The following NLRP8 variants were observed in gnomAD, a reference collection of about 807,000 sequenced individuals.
NLRP8 encodes NACHT, LRR and PYD domains-containing protein 8.
NLRP8 carries 86 observed loss-of-function variants against 88.7 expected under a neutral mutation model. That is an observed-to-expected ratio of 0.97 (90% CI 0.81 to 1.16). The LOEUF (loss-of-function observed/expected upper bound fraction) is 1.16, where lower values mean the gene tolerates loss of function less well. Ranked by LOEUF, NLRP8 falls within the 50% of genes most tolerant of loss-of-function variation. NLRP8 has a pLI of 0.00. For synonymous variants in NLRP8, 504 were observed against 494.6 expected (o/e 1.02, Z -0.25); for missense variants, 1,342 against 1,286.5 (o/e 1.04, Z -0.66).
At chr19:55,977,184 A>ATATATACG (rs1209121537) in intron 8 of NLRP8, among the ~76,000 whole-genome samples, 2 of 131,970 alleles carry the variant, frequency 1.5e-5, no homozygotes, top group Non-Finnish European at 3.1e-5. Context: ...ACATATATAC[A>ATATATACG]TATATACGTA....
rs1304057041 is a variant in NLRP8, at chr19:55,987,942, G to C, written c.*29G>C. The C allele has an allele frequency of 2.0e-6, 3 of 1,531,130 alleles. No homozygotes were observed. The highest frequency in any genetic ancestry group is 3.3e-5 in the Admixed American group (2 of 59,866). The allele number at this position is 1,531,130 out of a possible 1,614,324, so 94.8% of individuals were successfully genotyped here. A position where few individuals can be genotyped will look rare whatever the true frequency, so the allele number is the denominator to read the frequency against. On this transcript the variant is annotated 3_prime_UTR_variant, in exon 10 of 10. Coordinates refer to ENST00000291971, the MANE Select transcript of NLRP8 (RefSeq NM_176811.2). ...GTCCAGTCATCTTTCTCTGGGGCTT[G>C]ATTGATCAGTTCCCACTCTGACAAC...
chr19:55,948,418 C>T (rs923468585), intron 1 of NLRP8, 149 bp downstream of exon 1: 1 of 810,320 alleles, frequency 1.2e-6, no homozygotes, highest in Non-Finnish European at 1.9e-6. Flanking sequence ...AAGGCAAAGA[C>T]TGTCATACGG....
At chr19:55,976,849 G>T (rs562079481) in intron 8 of NLRP8, among the ~76,000 whole-genome samples, 1 of 144,476 alleles carries the variant, frequency 6.9e-6, no homozygotes, top group Non-Finnish European at 1.5e-5. Context: ...GGAGGCTGAG[G>T]TGGGGCGGAT....
chr19:55,976,953 G>A lies in NLRP8; in HGVS notation c.2876+650G>A, dbSNP rs567616587. 7.2e-4 allele frequency among the ~76,000 whole-genome samples: 108 copies of A among 149,406 alleles called. 1 individual carries two copies. The East Asian group carries it at 0.017, about 23-fold the overall frequency. ...AAATTAGCTGGGCGTGGTGGTGGGC[G>A]CCTCTAGTCCCAGCTAATCGGGAGG... On this transcript the variant is annotated intron_variant, in intron 8 of 9. Transcript: ENST00000291971.
chr19:55,980,321 A>G (rs1288902921), intron 9 of NLRP8, among the ~76,000 whole-genome samples: 1 of 152,212 alleles, frequency 6.6e-6, no homozygotes, highest in Admixed American at 6.5e-5. Context: ...GTTCTCAACC[A>G]GTGGTGGGTT....
At chr19:55,958,849 C>T (rs1310052492) in intron 3 of NLRP8, among the ~76,000 whole-genome samples, 1 of 151,866 alleles carries the variant, frequency 6.6e-6, no homozygotes, top group East Asian at 1.9e-4. Flanking sequence ...CCGCGTCCAG[C>T]CAGGGCCTAT....
At position 55,978,626 on chromosome 19, in the gene NLRP8, C is replaced by T. The variant is rs376683744; in HGVS notation, c.2877-768C>T. On this transcript the variant is annotated intron_variant, in intron 8 of 9. Transcript: ENST00000291971. ...AATCTAATAATCCATGAATTTTACT[C>T]TTTGTTCAAGGACTCTTATGGGCCG... Among the ~76,000 whole-genome samples the T allele has an allele frequency of 1.1e-4, 16 of 152,246 alleles. 2 individuals carry two copies. In the East Asian group the frequency reaches 2.5e-3, roughly 24 times the overall value.
In NLRP8 at chr19:55,955,076, C is replaced by G. The variant is rs769586034; in HGVS notation, c.1018C>G (p.Gln340Glu). The G allele has an allele frequency of 1.2e-6, 2 of 1,614,096 alleles. No individual in the cohort carries two copies. The highest frequency in any genetic ancestry group is 1.7e-6 in the Non-Finnish European group (2 of 1,179,972). ...GATCATGATAAGATTTACCTCTTGG[C>G]AGACATGCAAGCCCTTGCTGAAATG... The change falls in exon 3 of 10, where the codon CAG becomes GAG. Residue 340 changes from glutamine (Q) to glutamate (E), a missense_variant. Gln to Glu is a conservative substitution (Grantham distance 29, BLOSUM62 2). Coordinates refer to ENST00000291971, the MANE Select transcript of NLRP8 (RefSeq NM_176811.2).
chr19:55,979,394 G>T lies in NLRP8; in HGVS notation c.2877G>T (p.Glu959Asp), dbSNP rs769092809. Residue 959 changes from glutamate to aspartate, a missense_variant and splice_region_variant, in exon 9 of 10, where the codon GAG becomes GAT. Physicochemically the swap from Glu to Asp is conservative, Grantham distance 45. Transcript: ENST00000291971. ...TCTGCTGTCTGTTTCTGTGTCACAG[G>T]CTGGAAAACTGCCTGTTCACCTCCA... The T allele has an allele frequency of 1.2e-6, 2 of 1,613,416 alleles. No individual in the cohort carries two copies. Among genetic ancestry groups the T allele is most frequent in the South Asian group, 1.1e-5 (1 of 91,038 alleles).
chr19:55,964,354 G>A (rs1219245244), intron 4 of NLRP8, among the ~76,000 whole-genome samples: 2 of 152,208 alleles, frequency 1.3e-5, no homozygotes, highest in African/African-American at 2.4e-5. Context: ...GAGAGGTTAC[G>A]TGATTTGTGA....
intron 8 of NLRP8, among the ~76,000 whole-genome samples, chr19:55,978,935 T>C (rs1980461008): frequency 6.6e-6 from 1 of 152,052 alleles, no homozygotes; most frequent in Non-Finnish European, 1.5e-5. Context: ...AAAAAAAATT[T>C]TTTTTTAAAA....
intron 9 of NLRP8, among the ~76,000 whole-genome samples, chr19:55,987,545 C>T (rs1980906228): frequency 1.3e-5 from 2 of 152,108 alleles, no homozygotes; most frequent in Admixed American, 6.6e-5. Flanking sequence ...TGTTGTTTGT[C>T]CTGTTTACCA....
chr19:55,987,374 A>T (rs1980898266), intron 9 of NLRP8, among the ~76,000 whole-genome samples: 1 of 152,240 alleles, frequency 6.6e-6, no homozygotes, highest in East Asian at 1.9e-4. Context: ...CGTCTCAAGT[A>T]AAAATTAAGT....
At chr19:55,981,743 C>A (rs1408056859) in intron 9 of NLRP8, among the ~76,000 whole-genome samples, 1 of 152,138 alleles carries the variant, frequency 6.6e-6, no homozygotes, top group Non-Finnish European at 1.5e-5. Context: ...TAACTCTTAA[C>A]TTTTTAAGGT....
In NLRP8 at chr19:55,954,675, T is replaced by C; in HGVS notation, c.617T>C (p.Val206Ala). Residue 206 changes from valine (V) to alanine (A), a missense_variant, in exon 3 of 10, where the codon GTG (valine) becomes GCG (alanine). By Grantham distance (64) the Val-to-Ala change is moderately conservative. Transcript: ENST00000291971. ...CCCCAGGGTAGACAGCCCAAGACCG[T>C]GGCCATACAGGGAGCTCCTGGGATC... is the stretch of plus-strand genomic sequence containing the variant. 1.2e-6 allele frequency: 2 copies of C among 1,614,172 alleles called. No homozygotes were observed. The highest frequency in any genetic ancestry group is 1.7e-6 in the Non-Finnish European group (2 of 1,180,028).
rs114072528 is a variant in NLRP8 at position 55,974,239 on chromosome 19, G to A, written c.2705+417G>A. The stretch of plus-strand genomic sequence containing the variant: ...ACAGACCTGAGAGGGGCTTCTGGCC[G>A]AGTTAGGTCAGAGCTACACTCTCTT... On this transcript the variant is annotated intron_variant, in intron 7 of 9. Coordinates refer to ENST00000291971, the MANE Select transcript of NLRP8 (RefSeq NM_176811.2). 7.8e-3 allele frequency among the ~76,000 whole-genome samples: 1,174 copies of A among 151,456 alleles called. 23 individuals carry two copies. Among genetic ancestry groups the A allele is most frequent in the African/African-American group, 0.027 (1,126 of 41,278 alleles).
chr19:55,968,724 G>A (rs1979949132), intron 5 of NLRP8, among the ~76,000 whole-genome samples: 1 of 152,156 alleles, frequency 6.6e-6, no homozygotes, highest in Admixed American at 6.5e-5. Context: ...TGGGCAACAA[G>A]AGCAGGACTC....
At chr19:55,951,433 A>G (rs1290346237) in intron 1 of NLRP8, among the ~76,000 whole-genome samples, 1 of 152,232 alleles carries the variant, frequency 6.6e-6, no homozygotes, top group Non-Finnish European at 1.5e-5. Context: ...AGAATTTTAT[A>G]GACGAGAACT....
intron 3 of NLRP8, among the ~76,000 whole-genome samples, chr19:55,959,519 A>AT (rs10645776): frequency 3.8e-4 from 57 of 151,700 alleles, no homozygotes; most frequent in African/African-American, 1.2e-3. Context: ...GCCAGGGTGT[A>AT]TTTTTTTAAA....
Sources: allele counts gnomAD v4.1 joint callset (sites outside exome capture counted in the v4.1 genomes callset), GRCh38; gene constraint gnomAD v4.1.1; transcripts MANE v1.5; gene names NCBI Gene and HGNC (gene_info 2026-07-23, HGNC 2026-07-21).